Variants in SMIM35 observed in about 807,000 individuals in gnomAD.
The protein encoded by SMIM35 is TMPRSS4 antisense RNA 1 (non-protein coding).
chr11:118,046,225 A>G (rs1201055216), intron 1 of SMIM35, among the ~76,000 whole-genome samples: 1 of 152,216 alleles, frequency 6.6e-6, no homozygotes, highest in Non-Finnish European at 1.5e-5. Context: ...CTCTAATGCA[A>G]CAATAAGGTG....
intron 4 of SMIM35, among the ~76,000 whole-genome samples, chr11:118,009,680 A>G (rs1310547373): frequency 6.6e-6 from 1 of 151,694 alleles, no homozygotes; most frequent in African/African-American, 2.4e-5. Context: ...CTGAGCACCT[A>G]CTATGGACCA....
At chr11:118,037,502 C>T (rs1453215624) in intron 1 of SMIM35, among the ~76,000 whole-genome samples, 2 of 152,130 alleles carry the variant, frequency 1.3e-5, no homozygotes, top group Non-Finnish European at 2.9e-5. Flanking sequence ...ACGTTGTATG[C>T]GATCTCGAAT....
At chr11:118,057,702 C>A (rs1944336078) in intron 1 of SMIM35, among the ~76,000 whole-genome samples, 1 of 152,144 alleles carries the variant, frequency 6.6e-6, no homozygotes, top group Non-Finnish European at 1.5e-5. Flanking sequence ...GGGGATTCGC[C>A]TCGGAGGCTG....
Position 118,021,087 on chromosome 11 carries a change from A to T in SMIM35, c.8-5278T>A, listed in dbSNP as rs140987940. The stretch of plus-strand genomic sequence containing the variant: ...ATTTATTAAGATGGACATGAGTTAT[A>T]GAATTATGGCTGGTATAAGAAAAGA... On this transcript the variant is annotated intron_variant, in intron 1 of 4. Coordinates refer to ENST00000689828, the MANE Select transcript of SMIM35 (RefSeq NM_001394165.1). Among the ~76,000 whole-genome samples, 8 of 147,848 alleles carry T rather than the reference A, an allele frequency of 5.4e-5. 1 individual carries two copies. Among genetic ancestry groups the T allele is most frequent in the African/African-American group, 2.0e-4 (8 of 40,320 alleles).
chr11:118,083,837 G>C (rs1222003613), intron 1 of SMIM35, among the ~76,000 whole-genome samples: 3 of 152,098 alleles, frequency 2.0e-5, no homozygotes, highest in Non-Finnish European at 4.4e-5. Context: ...CAGATCACAT[G>C]AGGTCAGGAG....
intron 1 of SMIM35, among the ~76,000 whole-genome samples, chr11:118,017,912 C>A (rs978721529): frequency 1.3e-5 from 2 of 152,164 alleles, no homozygotes; most frequent in African/African-American, 4.8e-5. Flanking sequence ...AGGAGAACAG[C>A]AAGAGGGTAC....
intron 1 of SMIM35, among the ~76,000 whole-genome samples, chr11:118,037,167 T>C (rs1172363221): frequency 6.6e-6 from 1 of 152,234 alleles, no homozygotes; most frequent in African/African-American, 2.4e-5. Flanking sequence ...CCACTCTAAC[T>C]GCTTCCTGCT....
intron 1 of SMIM35, among the ~76,000 whole-genome samples, chr11:118,032,647 C>T (rs1325504118): frequency 3.3e-5 from 5 of 152,244 alleles, no homozygotes; most frequent in African/African-American, 1.2e-4. Flanking sequence ...GTGGCTCACA[C>T]CTGTAATCCC....
At chr11:118,052,580 C>T (rs1944234432) in intron 1 of SMIM35, among the ~76,000 whole-genome samples, 1 of 152,138 alleles carries the variant, frequency 6.6e-6, no homozygotes, top group African/African-American at 2.4e-5. Context: ...GAACCTGAGT[C>T]TGCCCTGGCT....
chr11:118,048,325 T>A (rs1944136045), intron 1 of SMIM35, among the ~76,000 whole-genome samples: 1 of 152,160 alleles, frequency 6.6e-6, no homozygotes, highest in South Asian at 2.1e-4. Flanking sequence ...GCCTGGCCAA[T>A]ATGGCGAAAC....
At chr11:118,038,728 C>A (rs1482368683) in intron 1 of SMIM35, among the ~76,000 whole-genome samples, 1 of 150,984 alleles carries the variant, frequency 6.6e-6, no homozygotes, top group Non-Finnish European at 1.5e-5. Flanking sequence ...ACCTGAACTA[C>A]TCTGAGAGGT....
In SMIM35 at chr11:118,086,903, G is replaced by C. The variant is rs1945596743; in HGVS notation, c.-146C>G. The stretch of plus-strand genomic sequence containing the variant: ...GTTCTGGGGTCAGAGAGCAGAGTGA[G>C]GCTCCCTCAGAGGAGCACTGTGGCC... On this transcript the variant is annotated 5_prime_UTR_variant, in exon 1 of 5. Transcript: ENST00000689828. The C allele has an allele frequency of 6.5e-6, 1 of 152,736 alleles. No individual in the cohort carries two copies. Among genetic ancestry groups the C allele is most frequent in the Admixed American group, 6.5e-5 (1 of 15,290 alleles). The allele number at this position is 152,736 out of a possible 1,614,324, so 9.5% of individuals were successfully genotyped here.
chr11:118,076,257 G>C (rs924054829), intron 1 of SMIM35, among the ~76,000 whole-genome samples: 1 of 152,148 alleles, frequency 6.6e-6, no homozygotes, highest in African/African-American at 2.4e-5. Flanking sequence ...GGGCAACAGA[G>C]ACTCTGTCTC....
intron 1 of SMIM35, among the ~76,000 whole-genome samples, chr11:118,077,507 A>G (rs1414416060): frequency 6.6e-6 from 1 of 152,130 alleles, no homozygotes; most frequent in East Asian, 1.9e-4. Flanking sequence ...CTCCATTGCC[A>G]TGGTCCTTGG....
intron 1 of SMIM35, among the ~76,000 whole-genome samples, chr11:118,036,564 T>C (rs2058360919): frequency 6.6e-6 from 1 of 152,198 alleles, no homozygotes; most frequent in African/African-American, 2.4e-5. Context: ...GGCTGGGTGA[T>C]GCATACACCC....
intron 1 of SMIM35, among the ~76,000 whole-genome samples, chr11:118,035,989 G>A (rs963720515): frequency 6.6e-6 from 1 of 152,206 alleles, no homozygotes; most frequent in Non-Finnish European, 1.5e-5. Flanking sequence ...CTGGGTTCCA[G>A]CGATTCTTCT....
At chr11:118,013,969 C>A in intron 3 of SMIM35, 89 bp from the exon 4 acceptor site, 1 of 397,352 alleles carries the variant, frequency 2.5e-6, no homozygotes, top group South Asian at 1.3e-4. Flanking sequence ...GGCACCAACT[C>A]ACTGACTTGT....
intron 1 of SMIM35, among the ~76,000 whole-genome samples, chr11:118,030,610 A>T (rs1351142163): frequency 6.6e-6 from 1 of 152,144 alleles, no homozygotes; most frequent in Non-Finnish European, 1.5e-5. Flanking sequence ...GGGTCCATGG[A>T]GAAGGGCTGC....
chr11:118,078,647 C>T, intron 1 of SMIM35, among the ~76,000 whole-genome samples: 1 of 152,150 alleles, frequency 6.6e-6, no homozygotes, highest in South Asian at 2.1e-4. Context: ...TGGAGTCTAC[C>T]TAGCTGTGAG....
Sources: gnomAD v4.1 joint callset for allele counts (sites outside exome capture counted in the v4.1 genomes callset) on GRCh38, gnomAD v4.1.1 for gene constraint, MANE v1.5 for transcripts, NCBI Gene and HGNC (gene_info 2026-07-23, HGNC 2026-07-21) for gene names.